Variants in SRPK2 observed in about 807,000 individuals in gnomAD.
SRPK2 encodes SRSF protein kinase 2, also known as SFRS protein kinase 2.
SRPK2 carries 21 observed loss-of-function variants against 90.8 expected under a neutral mutation model. The observed-to-expected ratio is 0.23, with a 90% CI of 0.16 to 0.33. SRPK2 has a LOEUF of 0.33. SRPK2 is among the 10% of genes least tolerant of loss of function. The probability of loss-of-function intolerance (pLI) is 1.00; values close to 1 mark genes in which losing one functional copy is unlikely to be tolerated. For synonymous variants in SRPK2, 288 were observed against 311.1 expected (o/e 0.93, Z 0.78); for missense variants, 620 against 869.0 (o/e 0.71, Z 3.60).
At chr7:105,135,805 C>G (rs1342442689) in intron 11 of SRPK2, among the ~76,000 whole-genome samples, 1 of 151,100 alleles carries the variant, frequency 6.6e-6, no homozygotes, top group Non-Finnish European at 1.5e-5. Flanking sequence ...CACTCTGTCG[C>G]CTAGGCTGGA....
At chr7:105,170,804 G>GGA (rs1227748135) in intron 3 of SRPK2, among the ~76,000 whole-genome samples, 2 of 95,460 alleles carry the variant, frequency 2.1e-5, no homozygotes, top group African/African-American at 8.5e-5. Context: ...AGGGAGGGAG[G>GGA]GAGAGAGAGA....
intron 2 of SRPK2, among the ~76,000 whole-genome samples, chr7:105,238,055 T>TC (rs1254839453): frequency 1.3e-5 from 2 of 151,976 alleles, no homozygotes; most frequent in East Asian, 3.9e-4. Flanking sequence ...TATTCCATAC[T>TC]CCCCCAACCA....
At chr7:105,203,502 G>A in intron 3 of SRPK2, 126 bp downstream of exon 3, 1 of 998,042 alleles carries the variant, frequency 1.0e-6, no homozygotes, top group Non-Finnish European at 1.4e-6. Context: ...ATGACACAAG[G>A]AGGCTAATTT....
At chr7:105,148,059 T>C (rs950573102) in intron 7 of SRPK2, among the ~76,000 whole-genome samples, 1 of 152,206 alleles carries the variant, frequency 6.6e-6, no homozygotes, top group Admixed American at 6.5e-5. Flanking sequence ...TGCCTCTATA[T>C]TTAGCTTTTT....
At chr7:105,194,833 C>T (rs1033856160) in intron 3 of SRPK2, among the ~76,000 whole-genome samples, 7 of 152,050 alleles carry the variant, frequency 4.6e-5, no homozygotes, top group Non-Finnish European at 7.4e-5. Context: ...CAAGCATTGA[C>T]CAAAAGAGGG....
At chr7:105,173,409 G>T (rs541665976) in intron 3 of SRPK2, among the ~76,000 whole-genome samples, 2 of 152,084 alleles carry the variant, frequency 1.3e-5, no homozygotes, top group African/African-American at 4.8e-5. Context: ...AGTATCTTCT[G>T]ACCATTCATT....
intron 2 of SRPK2, among the ~76,000 whole-genome samples, chr7:105,241,468 C>T (rs1800809410): frequency 1.3e-5 from 2 of 152,126 alleles, no homozygotes; most frequent in South Asian, 2.1e-4. Flanking sequence ...TACCATCCAC[C>T]CCTCTTCAGC....
chr7:105,287,937 G>GT, intron 2 of SRPK2, among the ~76,000 whole-genome samples: 1 of 152,164 alleles, frequency 6.6e-6, no homozygotes, highest in East Asian at 1.9e-4. Flanking sequence ...GCCTTTTGTG[G>GT]TTATATGGCT....
chr7:105,386,008 T>C (rs1287365462), intron 2 of SRPK2, among the ~76,000 whole-genome samples: 1 of 152,148 alleles, frequency 6.6e-6, no homozygotes, highest in East Asian at 1.9e-4. Flanking sequence ...GCAAGGAGCT[T>C]TGTCTTGTTC....
At chr7:105,269,755 C>CT (rs1374002217) in intron 2 of SRPK2, among the ~76,000 whole-genome samples, 1 of 152,200 alleles carries the variant, frequency 6.6e-6, no homozygotes, top group African/African-American at 2.4e-5. Flanking sequence ...ACATCAACGA[C>CT]TGACTAAAGC....
intron 2 of SRPK2, among the ~76,000 whole-genome samples, chr7:105,256,024 T>C (rs1476254949): frequency 6.6e-6 from 1 of 152,188 alleles, no homozygotes; most frequent in Non-Finnish European, 1.5e-5. Flanking sequence ...AATTTTGTAC[T>C]GTTATTTTAG....
intron 2 of SRPK2, among the ~76,000 whole-genome samples, chr7:105,230,803 T>A (rs1227067028): frequency 6.6e-6 from 1 of 152,236 alleles, no homozygotes; most frequent in Non-Finnish European, 1.5e-5. Flanking sequence ...CTTAGGAATT[T>A]ATTTCTGGAA....
chr7:105,376,848 C>T (rs28508115), intron 2 of SRPK2, among the ~76,000 whole-genome samples: 1 of 99,024 alleles, frequency 1.0e-5, no homozygotes, highest in African/African-American at 3.8e-5. Flanking sequence ...CCCCACCCCC[C>T]TTTTTTTTTT....
chr7:105,133,111 T>C lies in SRPK2; in HGVS notation c.1544-7A>G, dbSNP rs377155473. 1.9e-5 allele frequency: 30 copies of C among 1,613,714 alleles called. No homozygotes were observed. The highest frequency in any genetic ancestry group is 1.6e-4 in the Middle Eastern group (1 of 6,080). ...TCAGCTGCCCGGGTTTTTGCTGGCA[T>C]GAGCAAACAGCAGGACAGTTAGTGA... On this transcript the variant is annotated splice_polypyrimidine_tract_variant and splice_region_variant and intron_variant, in intron 11 of 15. Transcript: ENST00000393651.
At chr7:105,230,630 G>A (rs562972834) in intron 2 of SRPK2, among the ~76,000 whole-genome samples, 16 of 152,226 alleles carry the variant, frequency 1.1e-4, no homozygotes, top group East Asian at 3.9e-4. Flanking sequence ...CATTTGTCCC[G>A]GTTTTTAAAG....
At chr7:105,148,054 C>G (rs1804927356) in intron 7 of SRPK2, among the ~76,000 whole-genome samples, 1 of 152,178 alleles carries the variant, frequency 6.6e-6, no homozygotes, top group Admixed American at 6.6e-5. Flanking sequence ...TATGGTGCCT[C>G]TATATTTAGC....
intron 2 of SRPK2, among the ~76,000 whole-genome samples, chr7:105,357,569 C>T (rs1217286113): frequency 1.3e-5 from 2 of 152,014 alleles, no homozygotes; most frequent in South Asian, 4.2e-4. Context: ...CATGGTGAAA[C>T]CCCATCTCTA....
intron 3 of SRPK2, among the ~76,000 whole-genome samples, chr7:105,203,189 C>T (rs1795774207): frequency 6.6e-6 from 1 of 152,004 alleles, no homozygotes; most frequent in African/African-American, 2.4e-5. Flanking sequence ...AGTGTCTCAC[C>T]ACATTGCCCA....
At chr7:105,274,115 A>G (rs983856660) in intron 2 of SRPK2, among the ~76,000 whole-genome samples, 5 of 152,190 alleles carry the variant, frequency 3.3e-5, no homozygotes, top group African/African-American at 1.2e-4. Flanking sequence ...CCCACCCAAT[A>G]GTCCCATAGG....
Sources: gnomAD v4.1 joint callset for allele counts (sites outside exome capture counted in the v4.1 genomes callset) on GRCh38, gnomAD v4.1.1 for gene constraint, MANE v1.5 for transcripts, NCBI Gene and HGNC (gene_info 2026-07-23, HGNC 2026-07-21) for gene names.